The following CHST9 variants were observed in gnomAD, a reference collection of about 807,000 sequenced individuals.
CHST9 encodes carbohydrate sulfotransferase 9.
Under a neutral mutation model 44.4 loss-of-function variants are expected in CHST9, and 41 were observed. The ratio of observed to expected loss-of-function variants is 0.92; its 90% CI spans 0.72 to 1.20. The LOEUF (loss-of-function observed/expected upper bound fraction) is 1.20. Among genes scored for constraint, CHST9 ranks in the 50% most tolerant of loss-of-function variants. CHST9 has a pLI of 0.00. For missense variants in CHST9, 504 were observed against 516.5 expected, an observed-to-expected ratio of 0.98 and a Z score of 0.23; for synonymous variants, 171 against 178.4, an observed-to-expected ratio of 0.96 and a Z score of 0.33.
chr18:27,029,235 C>T (rs1281163344), intron 3 of CHST9, among the ~76,000 whole-genome samples: 1 of 152,172 alleles, frequency 6.6e-6, no homozygotes, highest in Non-Finnish European at 1.5e-5. Context: ...AAAAGAAGAG[C>T]ACTCTGATTC....
chr18:26,987,482 T>A (rs749555569), intron 4 of CHST9, among the ~76,000 whole-genome samples: 2 of 152,126 alleles, frequency 1.3e-5, no homozygotes, highest in Admixed American at 6.5e-5. Flanking sequence ...AAAAAAGTTG[T>A]TTAAACCTTT....
At chr18:27,149,197 A>G (rs1018602925) in intron 1 of CHST9, among the ~76,000 whole-genome samples, 2 of 119,076 alleles carry the variant, frequency 1.7e-5, no homozygotes, top group Non-Finnish European at 3.6e-5. Context: ...ATTTTCTCCC[A>G]TTCTGTAGGT....
chr18:27,052,344 T>G (rs1316093038), intron 2 of CHST9, among the ~76,000 whole-genome samples: 1 of 151,656 alleles, frequency 6.6e-6, no homozygotes, highest in East Asian at 1.9e-4. Context: ...GTATATATAT[T>G]TATACATGCA....
intron 2 of CHST9, among the ~76,000 whole-genome samples, chr18:27,098,198 TA>T (rs370735472): frequency 2.7e-4 from 39 of 144,542 alleles, no homozygotes; most frequent in Middle Eastern, 3.6e-3. Context: ...GAAAAAACAT[TA>T]AAAAAAAAAG....
intron 4 of CHST9, among the ~76,000 whole-genome samples, chr18:26,957,778 T>A (rs2056345479): frequency 6.6e-6 from 1 of 152,192 alleles, no homozygotes; most frequent in Non-Finnish European, 1.5e-5. Context: ...CAGGTATGTA[T>A]GCATATACTC....
chr18:27,079,585 A>G (rs1454439586), intron 2 of CHST9, among the ~76,000 whole-genome samples: 1 of 152,258 alleles, frequency 6.6e-6, no homozygotes, highest in Non-Finnish European at 1.5e-5. Context: ...AAGTTTAAAA[A>G]TCATGTCACA....
chr18:27,129,808 G>A (rs892554752), intron 2 of CHST9, among the ~76,000 whole-genome samples: 1 of 152,080 alleles, frequency 6.6e-6, no homozygotes, highest in African/African-American at 2.4e-5. Context: ...TGGTACAGTA[G>A]TAAGTTCTCA....
intron 2 of CHST9, among the ~76,000 whole-genome samples, chr18:27,113,836 T>C (rs1303028817): frequency 1.3e-5 from 2 of 152,210 alleles, no homozygotes; most frequent in Admixed American, 6.5e-5. Flanking sequence ...ATAAACCAAC[T>C]TGAGGTACTT....
At chr18:27,017,959 C>T (rs2057174899) in intron 4 of CHST9, among the ~76,000 whole-genome samples, 1 of 152,088 alleles carries the variant, frequency 6.6e-6, no homozygotes, top group Non-Finnish European at 1.5e-5. Context: ...ATTAATGCAT[C>T]CAGTTTCCTT....
intron 1 of CHST9, among the ~76,000 whole-genome samples, chr18:27,161,076 G>C: frequency 6.6e-6 from 1 of 151,672 alleles, no homozygotes; most frequent in Non-Finnish European, 1.5e-5. Context: ...TGGATTCATT[G>C]ATTTTTTGAA....
intron 4 of CHST9, among the ~76,000 whole-genome samples, chr18:26,992,716 C>T (rs1035875446): frequency 7.3e-5 from 11 of 151,292 alleles, no homozygotes; most frequent in African/African-American, 1.5e-4. Flanking sequence ...TCACATGATG[C>T]GTTAACACTG....
chr18:27,103,460 AACTCCTAAG>A (rs1488094183), intron 2 of CHST9, among the ~76,000 whole-genome samples: 1 of 152,192 alleles, frequency 6.6e-6, no homozygotes, highest in Non-Finnish European at 1.5e-5. Flanking sequence ...CCCCTCCACA[AACTCCTAAG>A]ACTCAATCAA....
rs1233556673 is a variant in CHST9, at chr18:27,066,449, G to A, written c.122-17946C>T. ...GTTATAGTAAAATAAAAATAACTATGATTCTGTTTTTTAAATTTATTTTTT... is the reference window on the plus strand; with the variant it reads ...GTTATAGTAAAATAAAAATAACTATAATTCTGTTTTTTAAATTTATTTTTT... On this transcript the variant is annotated intron_variant, in intron 2 of 5. Coordinates refer to ENST00000618847, the MANE Select transcript of CHST9 (RefSeq NM_031422.6). Among the ~76,000 whole-genome samples, 4 of 152,174 alleles carry A rather than the reference G, an allele frequency of 2.6e-5. 1 individual carries two copies. The highest frequency in any genetic ancestry group is 9.6e-5 in the African/African-American group (4 of 41,454).
chr18:26,951,156 G>A (rs1253589840), intron 4 of CHST9, among the ~76,000 whole-genome samples: 2 of 152,164 alleles, frequency 1.3e-5, no homozygotes, highest in South Asian at 2.1e-4. Context: ...GTGCATTCAT[G>A]AGCTTCAGGA....
At chr18:27,110,805 C>A (rs1311823985) in intron 2 of CHST9, among the ~76,000 whole-genome samples, 2 of 152,184 alleles carry the variant, frequency 1.3e-5, no homozygotes, top group Non-Finnish European at 2.9e-5. Context: ...GCATTGTGAC[C>A]TAAGGCTAGT....
chr18:27,079,428 T>C (rs2057939450), intron 2 of CHST9, among the ~76,000 whole-genome samples: 1 of 152,222 alleles, frequency 6.6e-6, no homozygotes, highest in Non-Finnish European at 1.5e-5. Context: ...CTCTTCACTA[T>C]TTTAAAAATC....
At chr18:26,967,173 C>A (rs1429091745) in intron 4 of CHST9, among the ~76,000 whole-genome samples, 1 of 152,038 alleles carries the variant, frequency 6.6e-6, no homozygotes, top group African/African-American at 2.4e-5. Context: ...GTCACTTCAC[C>A]CTTAGTCACA....
chr18:27,011,117 T>C (rs2057078594), intron 4 of CHST9, among the ~76,000 whole-genome samples: 1 of 152,184 alleles, frequency 6.6e-6, no homozygotes, highest in Admixed American at 6.5e-5. Context: ...AAGATTTATC[T>C]CTGGGTCTTT....
intron 5 of CHST9, among the ~76,000 whole-genome samples, chr18:26,942,176 G>A (rs1014039781): frequency 6.6e-6 from 1 of 152,092 alleles, no homozygotes; most frequent in Non-Finnish European, 1.5e-5. Context: ...AAAAGAAGGT[G>A]ACTTTATTTC....
Sources: allele counts gnomAD v4.1 joint callset (sites outside exome capture counted in the v4.1 genomes callset), GRCh38; gene constraint gnomAD v4.1.1; transcripts MANE v1.5; gene names NCBI Gene and HGNC (gene_info 2026-07-23, HGNC 2026-07-21).